Variants in CADPS2 observed in about 807,000 individuals in gnomAD.
The protein encoded by CADPS2 is calcium dependent secretion activator 2.
CADPS2 carries 93 observed loss-of-function variants against 172.5 expected under a neutral mutation model. That is an observed-to-expected ratio of 0.54 (90% CI 0.46 to 0.64). The LOEUF is 0.64. Among genes scored for constraint, CADPS2 ranks in the 30% least tolerant of loss-of-function variants. The pLI is 0.00. For synonymous variants in CADPS2, 546 were observed against 555.2 expected, an observed-to-expected ratio of 0.98 and a Z score of 0.23; for missense variants, 1,420 against 1,565.9, an observed-to-expected ratio of 0.91 and a Z score of 1.57.
intron 1 of CADPS2, among the ~76,000 whole-genome samples, chr7:122,764,729 T>C (rs2093495340): frequency 6.6e-6 from 1 of 151,842 alleles, no homozygotes; most frequent in Non-Finnish European, 1.5e-5. Context: ...ATAATATCAG[T>C]GGGAGGAACA....
At chr7:122,728,209 T>C (rs2091299013) in intron 2 of CADPS2, among the ~76,000 whole-genome samples, 1 of 152,006 alleles carries the variant, frequency 6.6e-6, no homozygotes, top group African/African-American at 2.4e-5. Context: ...CCTCTCTCTC[T>C]CTAGCTTACA....
intron 1 of CADPS2, among the ~76,000 whole-genome samples, chr7:122,876,557 C>T (rs957608349): frequency 1.3e-5 from 2 of 151,928 alleles, no homozygotes; most frequent in African/African-American, 4.8e-5. Context: ...CAGACTGAGT[C>T]TCACTGTGTA....
intron 10 of CADPS2, 31 bp from the exon 11 acceptor site, chr7:122,490,312 A>C (rs1409704901): frequency 9.4e-6 from 15 of 1,597,762 alleles, no homozygotes; most frequent in Non-Finnish European, 1.3e-5. Flanking sequence ...CATCATTAAA[A>C]ATTTATAGGA....
intron 3 of CADPS2, among the ~76,000 whole-genome samples, chr7:122,659,061 C>T (rs956831684): frequency 1.3e-5 from 2 of 151,820 alleles, no homozygotes; most frequent in Admixed American, 1.3e-4. Flanking sequence ...ATATATCTGG[C>T]TTACAACAAA....
chr7:122,402,044 C>T (rs569681045), intron 20 of CADPS2, among the ~76,000 whole-genome samples: 2 of 151,828 alleles, frequency 1.3e-5, no homozygotes, highest in Non-Finnish European at 2.9e-5. Flanking sequence ...TTATTTTTTT[C>T]TCCTTAAAAT....
At chr7:122,804,294 G>T (rs1318985022) in intron 1 of CADPS2, among the ~76,000 whole-genome samples, 2 of 152,172 alleles carry the variant, frequency 1.3e-5, no homozygotes, top group Admixed American at 1.3e-4. Flanking sequence ...TTAGCTATCA[G>T]TCATGACTTC....
At chr7:122,474,355 AG>A (rs1283803890) in intron 13 of CADPS2, 25 bp downstream of exon 13, 11 of 1,602,416 alleles carry the variant, frequency 6.9e-6, no homozygotes, top group Non-Finnish European at 9.4e-6. Flanking sequence ...TCCAACTTAT[AG>A]GGGACTAGAT....
chr7:122,341,390 A>T lies in CADPS2; in HGVS notation c.3612+4184T>A, dbSNP rs576299328. On this transcript the variant is annotated intron_variant, in intron 28 of 29. Transcript: ENST00000449022. ...TGCTAACATTAAAACTAAAAAAAAA[A>T]TTGGTTTAAAATCTGGAAGAGTTTC... Among the ~76,000 whole-genome samples the T allele has an allele frequency of 2.9e-4, 44 of 152,322 alleles. 1 individual carries two copies. The South Asian group carries it at 3.5e-3, about 12-fold the overall frequency.
intron 1 of CADPS2, among the ~76,000 whole-genome samples, chr7:122,781,496 A>T (rs898318092): frequency 6.6e-6 from 1 of 152,156 alleles, no homozygotes; most frequent in Non-Finnish European, 1.5e-5. Flanking sequence ...GTATTGTAAT[A>T]CATAAGAGAT....
At chr7:122,665,725 T>C (rs946617254) in intron 2 of CADPS2, among the ~76,000 whole-genome samples, 1 of 152,198 alleles carries the variant, frequency 6.6e-6, no homozygotes. Flanking sequence ...TTTTGTACCA[T>C]TGTAAAGTTG....
intron 2 of CADPS2, among the ~76,000 whole-genome samples, chr7:122,734,536 T>C (rs749332144): frequency 2.0e-5 from 3 of 151,738 alleles, no homozygotes; most frequent in African/African-American, 4.8e-5. Context: ...CAAGGAGATA[T>C]TGAAAGAAGA....
intron 4 of CADPS2, among the ~76,000 whole-genome samples, chr7:122,624,030 CA>C (rs1359885717): frequency 6.6e-6 from 1 of 152,116 alleles, no homozygotes; most frequent in Non-Finnish European, 1.5e-5. Context: ...TCAGTATTTC[CA>C]AACATTTCAG....
chr7:122,886,204 G>A lies in CADPS2; in HGVS notation c.134C>T (p.Pro45Leu). Residue 45 changes from proline to leucine, a missense_variant, in exon 1 of 30, where the codon CCG (proline) becomes CTG (leucine). Physicochemically the swap from Pro to Leu is moderately conservative, Grantham distance 98 (BLOSUM62 -3). Transcript: ENST00000449022. ...APTREGRRDAPGRAGGGGAAR... is the reference protein window; with the variant it reads ...APTREGRRDALGRAGGGGAAR... ...CGCGCCGCCGCCGCCCGCGCGCCCC[G>A]GCGCGTCCCGCCGCCCTTCCCGAGT... is the stretch of plus-strand genomic sequence containing the variant. 4 of 1,471,792 alleles carry A rather than the reference G, an allele frequency of 2.7e-6. No individual in the cohort carries two copies. The highest frequency in any genetic ancestry group is 2.7e-6 in the Non-Finnish European group (3 of 1,121,322). The allele number at this position is 1,471,792 out of a possible 1,614,324, so 91.2% of individuals were successfully genotyped here.
chr7:122,471,292 G>T, intron 14 of CADPS2, 83 bp downstream of exon 14: 3 of 791,236 alleles, frequency 3.8e-6, no homozygotes, highest in East Asian at 4.0e-5. Context: ...ATCTGTTACT[G>T]GGTGATAATC....
rs561168638 is a variant in CADPS2 at position 122,573,902 on chromosome 7, T to C, written c.1335+7277A>G. On this transcript the variant is annotated intron_variant, in intron 7 of 29. Coordinates refer to ENST00000449022, the MANE Select transcript of CADPS2 (RefSeq NM_017954.11). ...AACCTGCAATTTCTTCAAATGGTTT[T>C]CACTGTAAGAATAAAAATAAGAAAT... Among the ~76,000 whole-genome samples the C allele has an allele frequency of 6.3e-4, 96 of 152,270 alleles. 2 individuals carry two copies. The South Asian group carries it at 0.019, about 31-fold the overall frequency.
chr7:122,724,808 G>A (rs1398019359), intron 2 of CADPS2, among the ~76,000 whole-genome samples: 4 of 151,902 alleles, frequency 2.6e-5, no homozygotes, highest in Non-Finnish European at 5.9e-5. Flanking sequence ...GTAAGTCAGC[G>A]ATTTCTAACC....
chr7:122,860,241 T>C (rs1254957847), intron 1 of CADPS2, among the ~76,000 whole-genome samples: 4 of 152,164 alleles, frequency 2.6e-5, no homozygotes, highest in African/African-American at 9.7e-5. Flanking sequence ...ACAACATTTT[T>C]TTTTTAAGAC....
intron 9 of CADPS2, among the ~76,000 whole-genome samples, chr7:122,494,665 T>C (rs1299472956): frequency 1.3e-5 from 2 of 151,940 alleles, no homozygotes; most frequent in Admixed American, 1.3e-4. Context: ...ATATACATTA[T>C]TTTAAATCAG....
intron 7 of CADPS2, among the ~76,000 whole-genome samples, chr7:122,573,811 T>C (rs1052930391): frequency 6.6e-6 from 1 of 152,136 alleles, no homozygotes; most frequent in African/African-American, 2.4e-5. Flanking sequence ...ATGTCTAAAA[T>C]GACTATGTAT....
Sources: gnomAD v4.1 joint callset for allele counts (sites outside exome capture counted in the v4.1 genomes callset) on GRCh38, gnomAD v4.1.1 for gene constraint, MANE v1.5 for transcripts, NCBI Gene and HGNC (gene_info 2026-07-23, HGNC 2026-07-21) for gene names.